CLASP1: variants seen among roughly 807,000 people sequenced by gnomAD.
The protein encoded by CLASP1 is cytoplasmic linker associated protein 1.
In CLASP1, 38 loss-of-function variants were observed where a neutral mutation model predicts 192.3. That is an observed-to-expected ratio of 0.20 (90% CI 0.15 to 0.26). The LOEUF (loss-of-function observed/expected upper bound fraction) is 0.26, where lower values mean the gene tolerates loss of function less well. Among genes scored for constraint, CLASP1 ranks in the 10% least tolerant of loss-of-function variants. The pLI is 1.00. For synonymous variants in CLASP1, 691 were observed against 712.8 expected (o/e 0.97, Z 0.49); for missense variants, 1,433 against 1,932.5 (o/e 0.74, Z 4.85).
chr2:121,376,526 T>TGGGGGGGGGGAGGGGG (rs61313144), intron 34 of CLASP1, among the ~76,000 whole-genome samples: 54 of 105,172 alleles, frequency 5.1e-4, no homozygotes, highest in South Asian at 9.5e-4. Flanking sequence ...TGGGAAGGGG[T>TGGGGGGGGGGAGGGGG]GGGGGGGGGG....
chr2:121,478,820 CA>C (rs149695014), intron 8 of CLASP1, among the ~76,000 whole-genome samples: 13 of 5,124 alleles, frequency 2.5e-3, no homozygotes, highest in African/African-American at 5.4e-3. Flanking sequence ...ACCCCACACA[CA>C]ACCACACACC....
chr2:121,558,926 A>C (rs926881369), intron 2 of CLASP1, among the ~76,000 whole-genome samples: 2 of 152,218 alleles, frequency 1.3e-5, no homozygotes, highest in African/African-American at 4.8e-5. Context: ...TGAAGCTTTC[A>C]ACCTGGCCTG....
chr2:121,616,239 G>A (rs1471924070), intron 1 of CLASP1, among the ~76,000 whole-genome samples: 4 of 152,082 alleles, frequency 2.6e-5, no homozygotes, highest in Non-Finnish European at 5.9e-5. Context: ...CTGAGGTCAG[G>A]AGTTCGAGAA....
At chr2:121,553,442 G>A (rs534211669) in intron 2 of CLASP1, among the ~76,000 whole-genome samples, 2 of 152,264 alleles carry the variant, frequency 1.3e-5, no homozygotes, top group East Asian at 1.9e-4. Context: ...GGTGGCACAC[G>A]CCTGTAATCC....
chr2:121,623,155 A>G (rs1240372099), intron 1 of CLASP1, among the ~76,000 whole-genome samples: 1 of 152,198 alleles, frequency 6.6e-6, no homozygotes, highest in Non-Finnish European at 1.5e-5. Flanking sequence ...ATCATTAAGT[A>G]TGATATTAGC....
intron 37 of CLASP1, among the ~76,000 whole-genome samples, chr2:121,351,181 C>T (rs937069183): frequency 6.6e-6 from 1 of 152,208 alleles, no homozygotes; most frequent in African/African-American, 2.4e-5. Flanking sequence ...TGACCTCCCA[C>T]TCTCCATAAA....
chr2:121,527,491 G>A (rs538242603), intron 5 of CLASP1, among the ~76,000 whole-genome samples: 68 of 152,326 alleles, frequency 4.5e-4, no homozygotes, highest in African/African-American at 1.1e-3. Flanking sequence ...AGGGGTCAGG[G>A]TGCAGCTACA....
intron 1 of CLASP1, among the ~76,000 whole-genome samples, chr2:121,627,896 A>AAGGCTACTG (rs746885743): frequency 1.2e-4 from 19 of 152,224 alleles, no homozygotes; most frequent in Non-Finnish European, 2.5e-4. Flanking sequence ...AGCAATGACA[A>AAGGCTACTG]AGGCTACTGA....
chr2:121,450,459 TA>T (rs1184001825), intron 16 of CLASP1, among the ~76,000 whole-genome samples: 1 of 152,188 alleles, frequency 6.6e-6, no homozygotes, highest in Non-Finnish European at 1.5e-5. Context: ...ATCACTGTGA[TA>T]ATCCCAGGCA....
intron 37 of CLASP1, among the ~76,000 whole-genome samples, chr2:121,353,285 C>T (rs58562024): frequency 3.3e-4 from 50 of 152,130 alleles, no homozygotes; most frequent in South Asian, 2.1e-4. Context: ...TGCTGGGGAT[C>T]GGGGGTGAAG....
At chr2:121,557,403 G>A (rs60894625) in intron 2 of CLASP1, among the ~76,000 whole-genome samples, 5,849 of 152,116 alleles carry the variant, frequency 0.038, 178 homozygotes, top group East Asian at 0.14. Flanking sequence ...GGCCAACATG[G>A]TGAAACCCCA....
chr2:121,625,546 T>G (rs1026830893), intron 1 of CLASP1, among the ~76,000 whole-genome samples: 2 of 149,154 alleles, frequency 1.3e-5, no homozygotes, highest in Non-Finnish European at 3.0e-5. Flanking sequence ...GCGATTCTCC[T>G]GCCTCAGCCT....
intron 7 of CLASP1, among the ~76,000 whole-genome samples, chr2:121,507,567 C>T (rs375058030): frequency 3.3e-5 from 5 of 152,240 alleles, no homozygotes; most frequent in African/African-American, 7.2e-5. Context: ...TAGTTGTTAT[C>T]GTTGCCTCAG....
At chr2:121,530,802 G>C in intron 2 of CLASP1, 2 of 619,250 alleles carry the variant, frequency 3.2e-6, no homozygotes, top group South Asian at 3.5e-5. Context: ...ACCGACTAGG[G>C]CGAGGCTCAC....
At chr2:121,369,500 AAAAC>A (rs2068137805) in intron 34 of CLASP1, among the ~76,000 whole-genome samples, 1 of 152,156 alleles carries the variant, frequency 6.6e-6, no homozygotes, top group Non-Finnish European at 1.5e-5. Context: ...AGGTTTAAAA[AAAAC>A]AAAAAAAGAG....
rs550776926 is a variant in CLASP1 at position 121,579,715 on chromosome 2, C to T, written c.195+25986G>A. ...TTGAATTAATCCTTCTACTATAAAG[C>T]AGAAATCAAACCAAACTGCCAGATT... On this transcript the variant is annotated intron_variant, in intron 2 of 39. Coordinates refer to ENST00000263710, the Ensembl canonical transcript of CLASP1. 9.2e-5 allele frequency among the ~76,000 whole-genome samples: 14 copies of T among 152,236 alleles called. No individual in the cohort carries two copies. The East Asian group carries it at 2.7e-3, about 29-fold the overall frequency.
intron 10 of CLASP1, 47 bp from the exon 11 acceptor site, chr2:121,461,240 AAC>A (rs1473473653): frequency 1.9e-6 from 2 of 1,041,522 alleles, no homozygotes; most frequent in African/African-American, 3.2e-5. Context: ...ATGCAGAATA[AAC>A]AGATTATTTC....
At chr2:121,581,572 C>A (rs1476843602) in intron 2 of CLASP1, among the ~76,000 whole-genome samples, 1 of 152,174 alleles carries the variant, frequency 6.6e-6, no homozygotes, top group East Asian at 1.9e-4. Flanking sequence ...CCGCGCCCGG[C>A]CCCTTTTGTT....
intron 2 of CLASP1, among the ~76,000 whole-genome samples, chr2:121,602,062 C>T (rs1454870771): frequency 1.3e-5 from 2 of 151,800 alleles, no homozygotes; most frequent in East Asian, 3.9e-4. Flanking sequence ...GCAGTACCAG[C>T]TACTCAGGAG....
Sources: allele counts gnomAD v4.1 joint callset (sites outside exome capture counted in the v4.1 genomes callset), GRCh38; gene constraint gnomAD v4.1.1; transcripts MANE v1.5; gene names NCBI Gene and HGNC (gene_info 2026-07-23, HGNC 2026-07-21).